DLG2: variants seen among roughly 807,000 people sequenced by gnomAD.
DLG2 encodes discs large MAGUK scaffold protein 2.
Under a neutral mutation model 132.5 loss-of-function variants are expected in DLG2, and 45 were observed. The observed-to-expected ratio is 0.34, with a 90% CI of 0.27 to 0.44. The LOEUF is 0.44. Among genes scored for constraint, DLG2 ranks in the 20% least tolerant of loss-of-function variants. The pLI is 1.00. For synonymous variants in DLG2, 424 were observed against 419.6 expected (o/e 1.01, Z -0.13); for missense variants, 1,045 against 1,196.9 (o/e 0.87, Z 1.87).
intron 18 of DLG2, among the ~76,000 whole-genome samples, chr11:83,711,377 C>A (rs2085379161): frequency 6.6e-6 from 1 of 152,160 alleles, no homozygotes; most frequent in South Asian, 2.1e-4. Context: ...TCTGTGGTAT[C>A]ATTTGCTACA....
intron 19 of DLG2, among the ~76,000 whole-genome samples, chr11:83,588,918 A>C (rs1387641417): frequency 1.3e-5 from 2 of 150,576 alleles, no homozygotes. Flanking sequence ...AATGAAATGA[A>C]GTGAGAAGGG....
At chr11:84,488,777 G>C (rs151225789) in intron 7 of DLG2, among the ~76,000 whole-genome samples, 1 of 152,078 alleles carries the variant, frequency 6.6e-6, no homozygotes, top group Non-Finnish European at 1.5e-5. Context: ...ATTTTCAAAA[G>C]ACCTGGTAAA....
Position 85,463,611 on chromosome 11 carries a change from T to A in DLG2, c.40+135046A>T, listed in dbSNP as rs566092818. ...CTGGGCTACATAGTCTATAAAAAAA[T>A]TTTTTTTAAATTAGGCAGGCATGGT... is the stretch of plus-strand genomic sequence containing the variant. On this transcript the variant is annotated intron_variant, in intron 3 of 27. Transcript: ENST00000376104. Among the ~76,000 whole-genome samples the A allele has an allele frequency of 7.8e-4, 118 of 151,978 alleles. No individual in the cohort carries two copies. In the South Asian group the frequency reaches 0.018, roughly 23 times the overall value.
chr11:84,878,950 A>G (rs547654100), intron 6 of DLG2, among the ~76,000 whole-genome samples: 2 of 152,328 alleles, frequency 1.3e-5, no homozygotes, highest in South Asian at 4.1e-4. Flanking sequence ...GACTGGAAGC[A>G]AAATTATTGT....
chr11:85,510,674 A>G (rs923114802), intron 3 of DLG2, among the ~76,000 whole-genome samples: 1 of 152,232 alleles, frequency 6.6e-6, no homozygotes, highest in African/African-American at 2.4e-5. Context: ...ACAATGAGAT[A>G]CCACCTCACG....
chr11:85,497,891 T>G (rs1169622535), intron 3 of DLG2, among the ~76,000 whole-genome samples: 1 of 152,220 alleles, frequency 6.6e-6, no homozygotes, highest in Non-Finnish European at 1.5e-5. Flanking sequence ...AGAGATTTTG[T>G]CACCACCAGG....
At chr11:84,067,559 C>T (rs1216837241) in intron 10 of DLG2, among the ~76,000 whole-genome samples, 3 of 12,248 alleles carry the variant, frequency 2.4e-4, no homozygotes, top group Non-Finnish European at 1.7e-3. Flanking sequence ...CCCCCCACCA[C>T]ACACACACAC....
chr11:84,023,633 G>T (rs1402988334), intron 11 of DLG2, among the ~76,000 whole-genome samples: 1 of 152,102 alleles, frequency 6.6e-6, no homozygotes, highest in East Asian at 1.9e-4. Context: ...AAATATATTG[G>T]AAAACTTTTT....
At chr11:85,529,180 A>C (rs2075013507) in intron 3 of DLG2, among the ~76,000 whole-genome samples, 1 of 152,196 alleles carries the variant, frequency 6.6e-6, no homozygotes, top group Admixed American at 6.5e-5. Flanking sequence ...CTGCTTTGAG[A>C]AATGTAGGAG....
chr11:85,479,381 A>G (rs2093229603), intron 3 of DLG2, among the ~76,000 whole-genome samples: 1 of 152,200 alleles, frequency 6.6e-6, no homozygotes, highest in African/African-American at 2.4e-5. Flanking sequence ...TCCTAAAGGC[A>G]CAAATCTCAT....
chr11:83,768,652 T>C (rs1047058584), intron 18 of DLG2, among the ~76,000 whole-genome samples: 1 of 152,234 alleles, frequency 6.6e-6, no homozygotes, highest in African/African-American at 2.4e-5. Flanking sequence ...CAAAGCATCA[T>C]TCTAAAGCCC....
intron 17 of DLG2, among the ~76,000 whole-genome samples, chr11:83,824,828 G>A (rs2052022423): frequency 6.6e-6 from 1 of 152,016 alleles, no homozygotes; most frequent in Non-Finnish European, 1.5e-5. Flanking sequence ...CCTTTGAGTA[G>A]TGATATTGTG....
chr11:84,212,978 C>T (rs1412401352), intron 8 of DLG2, among the ~76,000 whole-genome samples: 1 of 152,060 alleles, frequency 6.6e-6, no homozygotes, highest in Non-Finnish European at 1.5e-5. Context: ...TTTTATGAGA[C>T]GGGGTAGGTA....
chr11:84,694,532 A>G lies in DLG2; in HGVS notation c.358-159801T>C, dbSNP rs116403773. 3.6e-3 allele frequency among the ~76,000 whole-genome samples: 550 copies of G among 151,602 alleles called. 3 individuals carry two copies. Among genetic ancestry groups the G allele is most frequent in the African/African-American group, 0.013 (537 of 41,460 alleles). ...TCTTTTTTGATTGGTAAACTAAGGC[A>G]TAGTAATAGAGTGACAACTCTAGCC... On this transcript the variant is annotated intron_variant, in intron 6 of 27. Coordinates refer to ENST00000376104, the MANE Select transcript of DLG2 (RefSeq NM_001142699.3).
intron 8 of DLG2, among the ~76,000 whole-genome samples, chr11:84,171,662 T>G (rs2095825724): frequency 6.6e-6 from 1 of 152,212 alleles, no homozygotes; most frequent in Non-Finnish European, 1.5e-5. Flanking sequence ...TTTGCTATTG[T>G]GAATAGAGCT....
intron 3 of DLG2, chr11:85,453,278 G>C (rs2092312508): frequency 3.4e-6 from 1 of 298,046 alleles, no homozygotes; most frequent in Non-Finnish European, 6.6e-6. Context: ...TGGAAATCCA[G>C]AATTAATATG....
intron 4 of DLG2, among the ~76,000 whole-genome samples, chr11:85,225,371 T>A (rs7951323): frequency 2.0e-5 from 3 of 151,870 alleles, no homozygotes; most frequent in African/African-American, 7.3e-5. Flanking sequence ...TGCTACCTAC[T>A]TGGTCAAGAA....
chr11:84,729,102 T>A (rs901723206), intron 6 of DLG2, among the ~76,000 whole-genome samples: 11 of 152,104 alleles, frequency 7.2e-5, no homozygotes, highest in Non-Finnish European at 1.3e-4. Flanking sequence ...TCTGCTCTGA[T>A]CTTAGTTATT....
intron 6 of DLG2, among the ~76,000 whole-genome samples, chr11:84,971,312 G>A (rs1462869093): frequency 2.0e-5 from 3 of 152,162 alleles, no homozygotes; most frequent in Non-Finnish European, 2.9e-5. Flanking sequence ...GACATGTAAC[G>A]TTTCTCATAA....
Sources: gnomAD v4.1 joint callset for allele counts (sites outside exome capture counted in the v4.1 genomes callset) on GRCh38, gnomAD v4.1.1 for gene constraint, MANE v1.5 for transcripts, NCBI Gene and HGNC (gene_info 2026-07-23, HGNC 2026-07-21) for gene names.